The following SH3BGRL2 variants were observed in gnomAD, a reference collection of about 807,000 sequenced individuals.
The protein encoded by SH3BGRL2 is SH3 domain-binding glutamic acid-rich-like protein 2.
A neutral mutation model predicts 14.8 loss-of-function variants in SH3BGRL2; 21 were observed. The observed-to-expected ratio is 1.42, with a 90% CI of 1.01 to 2.05. SH3BGRL2 has a LOEUF of 2.05. Ranked by LOEUF, SH3BGRL2 falls within the 30% of genes most tolerant of loss-of-function variation. SH3BGRL2 has a pLI of 0.00. For missense variants in SH3BGRL2, 147 were observed against 130.8 expected, an observed-to-expected ratio of 1.12 and a Z score of -0.61; for synonymous variants, 50 against 47.8, an observed-to-expected ratio of 1.05 and a Z score of -0.19.
the SH3BGRL2 span, among the ~76,000 whole-genome samples, chr6:79,623,202 A>T: frequency 6.6e-6 from 1 of 152,018 alleles, no homozygotes; most frequent in South Asian, 2.1e-4. Flanking sequence ...GCTACTCAGG[A>T]ACCTGAGGTG....
chr6:79,570,667 A>C, the SH3BGRL2 span, among the ~76,000 whole-genome samples: 1 of 152,214 alleles, frequency 6.6e-6, no homozygotes, highest in South Asian at 2.1e-4. Context: ...CTGTTTCAAA[A>C]GTAACCTGGC....
chr6:79,601,066 A>C, the SH3BGRL2 span, among the ~76,000 whole-genome samples: 1 of 152,218 alleles, frequency 6.6e-6, no homozygotes, highest in Non-Finnish European at 1.5e-5. Flanking sequence ...CTGAATCTGC[A>C]AACCAGGATC....
At chr6:79,644,971 C>A (rs1308849767) in intron 1 of SH3BGRL2, among the ~76,000 whole-genome samples, 1 of 151,874 alleles carries the variant, frequency 6.6e-6, no homozygotes, top group Non-Finnish European at 1.5e-5. Context: ...ACCAGCCTGG[C>A]CAAAGTGGTG....
In SH3BGRL2 at chr6:79,700,853, G is replaced by A. The variant is rs1295494473; in HGVS notation, c.*1344G>A. On this transcript the variant is annotated 3_prime_UTR_variant, in exon 4 of 4. Coordinates refer to ENST00000369838, the MANE Select transcript of SH3BGRL2 (RefSeq NM_031469.4). The stretch of plus-strand genomic sequence containing the variant: ...AATTGCCAAACATGGGAACAGCCTT[G>A]AATAGGATAAATTTTCAGAGGGCTG... 6.6e-6 allele frequency: 1 copy of A among 151,980 alleles called. No individual in the cohort carries two copies. The highest frequency in any genetic ancestry group is 1.9e-4 in the East Asian group (1 of 5,194). The allele number at this position is 151,980 out of a possible 1,614,324, so 9.4% of individuals were successfully genotyped here. A position where few individuals can be genotyped will look rare whatever the true frequency, so the allele number is the denominator to read the frequency against.
chr6:79,693,736 G>A (rs1182291948), intron 2 of SH3BGRL2, among the ~76,000 whole-genome samples: 2 of 152,156 alleles, frequency 1.3e-5, no homozygotes, highest in African/African-American at 4.8e-5. Context: ...TAAGCTTTTT[G>A]ATATACTGCT....
chr6:79,691,132 T>A (rs1770205386), intron 2 of SH3BGRL2, among the ~76,000 whole-genome samples: 1 of 152,040 alleles, frequency 6.6e-6, no homozygotes. Context: ...CCAGTCTGGG[T>A]GACAGAGTGA....
At chr6:79,601,193 T>C in the SH3BGRL2 span, among the ~76,000 whole-genome samples, 22 of 152,296 alleles carry the variant, frequency 1.4e-4, no homozygotes, top group African/African-American at 5.1e-4. Flanking sequence ...ACGGAAGGAA[T>C]GTTTTGTTTT....
At chr6:79,630,844 C>A (rs1768807242), upstream of SH3BGRL2, among the ~76,000 whole-genome samples, 1 of 152,214 alleles carries the variant, frequency 6.6e-6, no homozygotes, top group East Asian at 1.9e-4. Flanking sequence ...GACAAACAAA[C>A]GAGCCCAACC....
chr6:79,688,493 T>C (rs1188258483), intron 2 of SH3BGRL2, among the ~76,000 whole-genome samples: 1 of 152,214 alleles, frequency 6.6e-6, no homozygotes, highest in Non-Finnish European at 1.5e-5. Context: ...CTAATCATAT[T>C]CTGTAATTAC....
At chr6:79,689,742 A>G in intron 2 of SH3BGRL2, among the ~76,000 whole-genome samples, 1 of 152,246 alleles carries the variant, frequency 6.6e-6, no homozygotes, top group South Asian at 2.1e-4. Context: ...CATTGGGATC[A>G]TTTTAAGATT....
At chr6:79,672,276 C>G (rs1398205231) in intron 1 of SH3BGRL2, among the ~76,000 whole-genome samples, 7 of 152,170 alleles carry the variant, frequency 4.6e-5, no homozygotes, top group Admixed American at 3.3e-4. Context: ...AAATAAAACT[C>G]TTGCTCCCAC....
At chr6:79,653,981 T>G (rs1328993316) in intron 1 of SH3BGRL2, among the ~76,000 whole-genome samples, 1 of 152,222 alleles carries the variant, frequency 6.6e-6, no homozygotes, top group Non-Finnish European at 1.5e-5. Context: ...CCATCAAGAT[T>G]CAAGGGATGG....
the SH3BGRL2 span, among the ~76,000 whole-genome samples, chr6:79,585,228 A>T: frequency 1.3e-5 from 2 of 152,092 alleles, no homozygotes; most frequent in African/African-American, 2.4e-5. Flanking sequence ...TGCACAGCAG[A>T]TGATTTTTCA....
chr6:79,696,538 A>G lies in SH3BGRL2; in HGVS notation c.285A>G (p.Leu95=). ...SKESNTVFSF[L]GLKPRLASKA... ...AAAGCAACACAGTCTTTTCATTTTT[A>G]GGCCTGAAACCACGGTTGGCATCAA... The change falls in exon 3 of 4, where the codon TTA becomes TTG. Residue 95 remains leucine, a synonymous_variant. Transcript: ENST00000369838. 6.4e-7 allele frequency: 1 copy of G among 1,573,780 alleles called. No homozygotes were observed. The highest frequency in any genetic ancestry group is 2.3e-5 in the East Asian group (1 of 42,822).
At chr6:79,607,464 C>T in the SH3BGRL2 span, among the ~76,000 whole-genome samples, 928 of 152,254 alleles carry the variant, frequency 6.1e-3, 12 homozygotes, top group African/African-American at 0.021. Context: ...TTCTTTTAAC[C>T]TACAGTCCTA....
chr6:79,578,819 T>C, the SH3BGRL2 span, among the ~76,000 whole-genome samples: 1 of 152,128 alleles, frequency 6.6e-6, no homozygotes, highest in Non-Finnish European at 1.5e-5. Context: ...TAGGCAGAAG[T>C]AGACTTCAGA....
chr6:79,548,016 A>G, the SH3BGRL2 span, among the ~76,000 whole-genome samples: 8 of 152,056 alleles, frequency 5.3e-5, no homozygotes, highest in African/African-American at 1.9e-4. Context: ...GGTGTGCACC[A>G]CCACACCTGG....
chr6:79,694,057 G>C (rs1770282460), intron 2 of SH3BGRL2, among the ~76,000 whole-genome samples: 1 of 152,184 alleles, frequency 6.6e-6, no homozygotes, highest in Admixed American at 6.5e-5. Context: ...TTGTCGTTAA[G>C]ACCTGTTGTG....
In SH3BGRL2 at chr6:79,631,475, T is replaced by A. The variant is rs747612569; in HGVS notation, c.14T>A (p.Val5Glu). 3.3e-6 allele frequency: 5 copies of A among 1,508,254 alleles called. No homozygotes were observed. Among genetic ancestry groups the A allele is most frequent in the Non-Finnish European group, 4.4e-6 (5 of 1,126,538 alleles). The allele number at this position is 1,508,254 out of a possible 1,614,324, so 93.4% of individuals were successfully genotyped here. MVIR[V>E]FIASSSGFVA... Reference sequence around the variant, plus strand: ...CGCAGCGAGAGGATGGTCATCCGCGTGTTCATCGCCTCTTCCTCGGGCTTC... The same window carrying A: ...CGCAGCGAGAGGATGGTCATCCGCGAGTTCATCGCCTCTTCCTCGGGCTTC... Residue 5 changes from valine to glutamate, a missense_variant, in exon 1 of 4, where the codon GTG (valine) becomes GAG (glutamate). Physicochemically the swap from Val to Glu is moderately radical, Grantham distance 121. Coordinates refer to ENST00000369838, the MANE Select transcript of SH3BGRL2 (RefSeq NM_031469.4).
Sources: gnomAD v4.1 joint callset for allele counts (sites outside exome capture counted in the v4.1 genomes callset) on GRCh38, gnomAD v4.1.1 for gene constraint, MANE v1.5 for transcripts, NCBI Gene and HGNC (gene_info 2026-07-23, HGNC 2026-07-21) for gene names.